The following GRIK3 variants were observed in gnomAD, a reference collection of about 807,000 sequenced individuals.
GRIK3 encodes glutamate ionotropic receptor kainate type subunit 3, also known as glutamate receptor ionotropic, kainate 3.
A neutral mutation model predicts 102.5 loss-of-function variants in GRIK3; 29 were observed. The ratio of observed to expected loss-of-function variants is 0.28; its 90% CI spans 0.21 to 0.39. The LOEUF (loss-of-function observed/expected upper bound fraction) is 0.39, where lower values mean the gene tolerates loss of function less well. Among genes scored for constraint, GRIK3 ranks in the 10% least tolerant of loss-of-function variants. The pLI, the probability that GRIK3 is intolerant of heterozygous loss-of-function variation, is 1.00. For missense variants in GRIK3, 908 were observed against 1,252.4 expected (o/e 0.73, Z 4.15); for synonymous variants, 511 against 504.9 (o/e 1.01, Z -0.16).
chr1:36,905,853 A>AC (rs1340597384), intron 1 of GRIK3, among the ~76,000 whole-genome samples: 1 of 152,204 alleles, frequency 6.6e-6, no homozygotes, highest in African/African-American at 2.4e-5. Flanking sequence ...GAAGAAAGAT[A>AC]CCTCTACCCA....
chr1:36,979,088 G>A (rs898651124), intron 1 of GRIK3, among the ~76,000 whole-genome samples: 3 of 152,250 alleles, frequency 2.0e-5, no homozygotes, highest in Admixed American at 1.3e-4. Context: ...AGCTTGCTAA[G>A]CAGATCAGGG....
intron 1 of GRIK3, among the ~76,000 whole-genome samples, chr1:36,978,128 G>A (rs1390488132): frequency 1.3e-5 from 2 of 152,262 alleles, no homozygotes; most frequent in Non-Finnish European, 2.9e-5. Context: ...ACAGTGAAAT[G>A]TTTTCACCCT....
At chr1:36,830,754 T>C (rs1204040201) in intron 10 of GRIK3, among the ~76,000 whole-genome samples, 8 of 134,356 alleles carry the variant, frequency 6.0e-5, no homozygotes, top group African/African-American at 5.7e-5. Flanking sequence ...GGGATTGCAG[T>C]GAGCCGAGAT....
chr1:36,812,927 C>T (rs1038977486), intron 13 of GRIK3, among the ~76,000 whole-genome samples: 2 of 152,266 alleles, frequency 1.3e-5, no homozygotes, highest in African/African-American at 4.8e-5. Flanking sequence ...CTGCCGCCAT[C>T]TTTAAATCCC....
chr1:36,962,549 C>T (rs545870609), intron 1 of GRIK3, among the ~76,000 whole-genome samples: 1 of 151,668 alleles, frequency 6.6e-6, no homozygotes, highest in African/African-American at 2.4e-5. Flanking sequence ...TAAGCCAGGG[C>T]CCTGGGTTTG....
At chr1:36,805,456 C>G (rs575801532) in intron 14 of GRIK3, among the ~76,000 whole-genome samples, 1 of 152,320 alleles carries the variant, frequency 6.6e-6, no homozygotes, top group East Asian at 1.9e-4. Flanking sequence ...GTGTATCAGT[C>G]CCTGTGGGCT....
chr1:37,008,763 G>A (rs76361801), intron 1 of GRIK3, among the ~76,000 whole-genome samples: 2,166 of 152,280 alleles, frequency 0.014, 46 homozygotes, highest in African/African-American at 0.049. Flanking sequence ...CCAGGACAGC[G>A]AGGTCAGAAA....
Position 36,953,258 on chromosome 1 carries a change from C to G in GRIK3, c.116-62162G>C, listed in dbSNP as rs376569997. On this transcript the variant is annotated intron_variant, in intron 1 of 15. Coordinates refer to ENST00000373091, the MANE Select transcript of GRIK3 (RefSeq NM_000831.4). ...CCCTTGGGCTCTGGCAAGTGCGGAG[C>G]GTTCCCAGCTTGAGCAGAACAGATG... Among the ~76,000 whole-genome samples, 494 of 152,230 alleles carry G rather than the reference C, an allele frequency of 3.2e-3. 4 individuals carry two copies. Among genetic ancestry groups the G allele is most frequent in the African/African-American group, 9.9e-3 (410 of 41,524 alleles).
At chr1:36,809,756 G>A (rs1356237268) in intron 13 of GRIK3, among the ~76,000 whole-genome samples, 4 of 152,322 alleles carry the variant, frequency 2.6e-5, no homozygotes, top group Middle Eastern at 3.4e-3. Flanking sequence ...AGGCAGATGG[G>A]CTCTGAGGAA....
chr1:36,833,224 A>C (rs983417393), intron 10 of GRIK3, among the ~76,000 whole-genome samples: 1 of 152,084 alleles, frequency 6.6e-6, no homozygotes, highest in Admixed American at 6.5e-5. Context: ...GGTCTCCTGC[A>C]CTAACTCTCG....
intron 1 of GRIK3, among the ~76,000 whole-genome samples, chr1:36,898,223 C>A (rs1295311592): frequency 1.3e-5 from 2 of 151,994 alleles, no homozygotes; most frequent in African/African-American, 4.8e-5. Context: ...TTTGATAGCA[C>A]AACAGGGTGA....
chr1:37,001,750 A>G (rs973612979), intron 1 of GRIK3, among the ~76,000 whole-genome samples: 2 of 152,188 alleles, frequency 1.3e-5, no homozygotes, highest in African/African-American at 4.8e-5. Flanking sequence ...AAGTGGAGGT[A>G]GTTTATTTGG....
Position 36,880,516 on chromosome 1 carries a change from T to C in GRIK3, c.550+118A>G. 1.0e-6 allele frequency: 1 copy of C among 989,028 alleles called. No homozygotes were observed. The highest frequency in any genetic ancestry group is 1.6e-5 in the African/African-American group (1 of 62,862). 61.3% of individuals were successfully genotyped at this position (989,028 alleles called of 1,614,324 possible). A position where few individuals can be genotyped will look rare whatever the true frequency, so the allele number is the denominator to read the frequency against. ...TCAGCATAACCGAGTGGAACTGGGGTATGGAACACAGCCTCTTCCCCCAGG... is the reference window on the plus strand; with the variant it reads ...TCAGCATAACCGAGTGGAACTGGGGCATGGAACACAGCCTCTTCCCCCAGG... On this transcript the variant is annotated intron_variant, in intron 3 of 15. Coordinates refer to ENST00000373091, the MANE Select transcript of GRIK3 (RefSeq NM_000831.4). This position sits in a 1 kb window ranked among gnomAD's most constrained non-coding sequence, Gnocchi z 5.4.
intron 1 of GRIK3, among the ~76,000 whole-genome samples, chr1:36,946,209 A>G (rs1298115511): frequency 6.6e-6 from 1 of 152,264 alleles, no homozygotes; most frequent in Admixed American, 6.5e-5. Context: ...AAGCCCTGAC[A>G]CCTGGAGCCT....
chr1:36,890,761 G>A (rs1641103971), intron 2 of GRIK3, among the ~76,000 whole-genome samples, 159 bp downstream of exon 2: 1 of 152,224 alleles, frequency 6.6e-6, no homozygotes, highest in Non-Finnish European at 1.5e-5. Flanking sequence ...AGAGTTGCTA[G>A]GATGCAAGTC....
chr1:36,975,294 T>TTTTTG (rs769130779), intron 1 of GRIK3, among the ~76,000 whole-genome samples: 1 of 145,558 alleles, frequency 6.9e-6, no homozygotes, highest in African/African-American at 2.6e-5. Context: ...GTTGGTTTTT[T>TTTTTG]TTTTTTTTTT....
chr1:37,027,568 T>C (rs1380384975), intron 1 of GRIK3, among the ~76,000 whole-genome samples: 1 of 152,172 alleles, frequency 6.6e-6, no homozygotes, highest in Non-Finnish European at 1.5e-5. Context: ...CCCAGCCCTG[T>C]GCACAGACTC....
chr1:36,846,024 C>G (rs1021198496), intron 9 of GRIK3, among the ~76,000 whole-genome samples: 2 of 152,258 alleles, frequency 1.3e-5, no homozygotes, highest in African/African-American at 4.8e-5. Context: ...ATGCCCACAC[C>G]GTGACACCAT....
intron 1 of GRIK3, among the ~76,000 whole-genome samples, chr1:37,012,269 G>A (rs1642604727): frequency 6.6e-6 from 1 of 152,220 alleles, no homozygotes; most frequent in African/African-American, 2.4e-5. Context: ...TGTTGGATGC[G>A]AGAAGCACTT....
Sources: gnomAD v4.1 joint callset for allele counts (sites outside exome capture counted in the v4.1 genomes callset) on GRCh38, gnomAD v4.1.1 for gene constraint, Gnocchi (gnomAD v3.1) non-coding constraint, MANE v1.5 for transcripts, NCBI Gene and HGNC (gene_info 2026-07-23, HGNC 2026-07-21) for gene names.